Variants in BICD1 observed in about 807,000 individuals in gnomAD.
BICD1 encodes the protein BICD cargo adaptor 1, also known as protein bicaudal D homolog 1.
BICD1 carries 35 observed loss-of-function variants against 92.5 expected under a neutral mutation model. The observed-to-expected ratio is 0.38, with a 90% CI of 0.29 to 0.50. BICD1 has a LOEUF of 0.50. BICD1 is among the 20% of genes least tolerant of loss of function. The probability of loss-of-function intolerance (pLI) is 0.93; values close to 1 mark genes in which losing one functional copy is unlikely to be tolerated. For synonymous variants in BICD1, 429 were observed against 465.1 expected, an observed-to-expected ratio of 0.92 and a Z score of 1.00; for missense variants, 950 against 1,189.8, an observed-to-expected ratio of 0.80 and a Z score of 2.97.
At chr12:32,173,890 A>G (rs1210136177) in intron 1 of BICD1, among the ~76,000 whole-genome samples, 1 of 152,246 alleles carries the variant, frequency 6.6e-6, no homozygotes, top group East Asian at 1.9e-4. Flanking sequence ...TCCACAAATG[A>G]TTTCTTACCA....
At chr12:32,273,815 GAAAAGGA>G (rs1333381980) in intron 2 of BICD1, among the ~76,000 whole-genome samples, 1 of 152,194 alleles carries the variant, frequency 6.6e-6, no homozygotes, top group South Asian at 2.1e-4. Context: ...TTTATTGGGT[GAAAAGGA>G]AAAAGGAAAA....
At chr12:32,197,311 A>G (rs1944757094) in intron 1 of BICD1, among the ~76,000 whole-genome samples, 1 of 152,028 alleles carries the variant, frequency 6.6e-6, no homozygotes, top group Admixed American at 6.6e-5. Flanking sequence ...ACCTGGCCTC[A>G]AGATTTTACT....
chr12:32,253,892 TA>T, intron 2 of BICD1, among the ~76,000 whole-genome samples: 1 of 109,526 alleles, frequency 9.1e-6, no homozygotes. Context: ...CCACCTGTCA[TA>T]ATCACTGCCA....
chr12:32,118,091 A>ATTTTATTTTTTTTTTTTTTTTTT (rs1555126592), intron 1 of BICD1, among the ~76,000 whole-genome samples: 1 of 46,832 alleles, frequency 2.1e-5, no homozygotes, highest in African/African-American at 6.7e-5. Flanking sequence ...TATTTTATTT[A>ATTTTATTTTTTTTTTTTTTTTTT]TTTTTTTTGA....
chr12:32,190,919 T>A (rs973979148), intron 1 of BICD1, among the ~76,000 whole-genome samples: 2 of 152,164 alleles, frequency 1.3e-5, no homozygotes, highest in Non-Finnish European at 2.9e-5. Flanking sequence ...ATAATAACAT[T>A]AGAAATTAAT....
chr12:32,111,559 C>G (rs967046983), intron 1 of BICD1, among the ~76,000 whole-genome samples: 2 of 152,092 alleles, frequency 1.3e-5, no homozygotes, highest in Admixed American at 1.3e-4. Context: ...CTTAATTGAT[C>G]TATCTGAACT....
At chr12:32,346,450 GAGGT>G (rs1938569184) in intron 8 of BICD1, among the ~76,000 whole-genome samples, 2 of 146,866 alleles carry the variant, frequency 1.4e-5, no homozygotes, top group African/African-American at 5.0e-5. Context: ...CCAGGAAGCA[GAGGT>G]TGCAGTGAGC....
chr12:32,130,486 C>T (rs751443520), intron 1 of BICD1, among the ~76,000 whole-genome samples: 40 of 152,088 alleles, frequency 2.6e-4, no homozygotes, highest in Non-Finnish European at 4.1e-4. Context: ...CCACCACGCC[C>T]GGCCCCAAAA....
At chr12:32,234,644 T>C (rs1592527489) in intron 2 of BICD1, among the ~76,000 whole-genome samples, 1 of 147,570 alleles carries the variant, frequency 6.8e-6, no homozygotes, top group Admixed American at 6.7e-5. Flanking sequence ...AGCAGAATTA[T>C]AACTAAACAC....
intron 8 of BICD1, among the ~76,000 whole-genome samples, chr12:32,366,734 T>A (rs1450503230): frequency 6.6e-6 from 1 of 152,222 alleles, no homozygotes; most frequent in Non-Finnish European, 1.5e-5. Flanking sequence ...ATGCTTCAAT[T>A]ATTTAAGAAT....
intron 1 of BICD1, among the ~76,000 whole-genome samples, chr12:32,205,748 C>T (rs547175773): frequency 3.3e-5 from 3 of 91,806 alleles, no homozygotes; most frequent in Non-Finnish European, 7.2e-5. Flanking sequence ...TATATACTTG[C>T]GAAATCATCA....
intron 1 of BICD1, among the ~76,000 whole-genome samples, chr12:32,153,870 A>G (rs1943362228): frequency 1.3e-5 from 2 of 151,584 alleles, no homozygotes; most frequent in South Asian, 4.2e-4. Context: ...TGTATATATG[A>G]TGTTTATTAG....
At chr12:32,298,205 A>C (rs1012209935) in intron 3 of BICD1, among the ~76,000 whole-genome samples, 2 of 151,962 alleles carry the variant, frequency 1.3e-5, no homozygotes, top group Non-Finnish European at 2.9e-5. Flanking sequence ...TGGGAAAAAA[A>C]AAAGCAACAA....
At chr12:32,329,223 G>C (rs1051114747) in intron 5 of BICD1, among the ~76,000 whole-genome samples, 1 of 152,076 alleles carries the variant, frequency 6.6e-6, no homozygotes, top group South Asian at 2.1e-4. Flanking sequence ...TCATGCCTCA[G>C]CCTCCGAAGC....
intron 2 of BICD1, among the ~76,000 whole-genome samples, chr12:32,291,360 G>A (rs892810234): frequency 1.4e-4 from 21 of 151,868 alleles, no homozygotes; most frequent in African/African-American, 5.1e-4. Context: ...AACATGGCGA[G>A]ACCCCACCTC....
chr12:32,330,883 C>T (rs1221174368), intron 5 of BICD1, among the ~76,000 whole-genome samples: 4 of 152,164 alleles, frequency 2.6e-5, no homozygotes, highest in Admixed American at 2.6e-4. Context: ...GCCTGTAATG[C>T]CAGCACTTTG....
At chr12:32,177,868 TA>T (rs1474797678) in intron 1 of BICD1, among the ~76,000 whole-genome samples, 2 of 149,310 alleles carry the variant, frequency 1.3e-5, no homozygotes, top group Admixed American at 1.3e-4. Context: ...GGAACCAGCA[TA>T]AAGATGAGCT....
chr12:32,107,240 CA>C lies in BICD1; in HGVS notation c.-91del, dbSNP rs376557750. ...CCGCACTTTCTTTTCCGTTTCCACC[CA>C]TCCCTTCCCATTTCCTTCTCCCTTT... On this transcript the variant is annotated 5_prime_UTR_variant, in exon 1 of 10. Coordinates refer to ENST00000652176, the MANE Select transcript of BICD1 (RefSeq NM_001714.4). 2,139 of 1,197,998 alleles carry C rather than the reference CA, an allele frequency of 1.8e-3. 66 individuals carry two copies. The South Asian group carries it at 0.029, about 16-fold the overall frequency. 74.2% of individuals were successfully genotyped at this position (1,197,998 alleles called of 1,614,324 possible). A position where few individuals can be genotyped will look rare whatever the true frequency, so the allele number is the denominator to read the frequency against.
At chr12:32,112,603 A>T (rs1263009321) in intron 1 of BICD1, among the ~76,000 whole-genome samples, 3 of 152,218 alleles carry the variant, frequency 2.0e-5, no homozygotes, top group Admixed American at 6.5e-5. Flanking sequence ...ACCTGTAATT[A>T]TGGCTTTGAG....
Sources: allele counts gnomAD v4.1 joint callset (sites outside exome capture counted in the v4.1 genomes callset), GRCh38; gene constraint gnomAD v4.1.1; transcripts MANE v1.5; gene names NCBI Gene and HGNC (gene_info 2026-07-23, HGNC 2026-07-21).